The following DMXL2 variants were observed in gnomAD, a reference collection of about 807,000 sequenced individuals.
DMXL2 encodes Dmx like 2.
DMXL2 carries 103 observed loss-of-function variants against 331.1 expected under a neutral mutation model. That is an observed-to-expected ratio of 0.31 (90% CI 0.27 to 0.37). The LOEUF is 0.37. DMXL2 is among the 10% of genes least tolerant of loss of function. The probability of loss-of-function intolerance (pLI) is 1.00; values close to 1 mark genes in which losing one functional copy is unlikely to be tolerated. For missense variants in DMXL2, 3,171 were observed against 3,642.9 expected, an observed-to-expected ratio of 0.87 and a Z score of 3.33; for synonymous variants, 1,281 against 1,252.1, an observed-to-expected ratio of 1.02 and a Z score of -0.49.
chr15:51,502,519 C>T (rs188809513), intron 17 of DMXL2, among the ~76,000 whole-genome samples: 28 of 152,176 alleles, frequency 1.8e-4, no homozygotes, highest in African/African-American at 6.5e-4. Flanking sequence ...GACATGGTTT[C>T]GCCATGTTAG....
chr15:51,537,374 T>C, intron 11 of DMXL2, 114 bp downstream of exon 11: 2 of 973,448 alleles, frequency 2.1e-6, no homozygotes, highest in South Asian at 3.6e-5. Context: ...TTTACTCAGA[T>C]GCTTATCAAA....
chr15:51,455,125 C>T (rs1341008160), intron 40 of DMXL2, 26 bp downstream of exon 40: 1 of 1,575,490 alleles, frequency 6.3e-7, no homozygotes, highest in East Asian at 2.2e-5. Flanking sequence ...TGTATATGCG[C>T]CCTGGGAACA....
chr15:51,524,785 T>C (rs376991128), intron 13 of DMXL2, among the ~76,000 whole-genome samples: 1 of 152,246 alleles, frequency 6.6e-6, no homozygotes, highest in East Asian at 1.9e-4. Context: ...TCAGGTTCTC[T>C]GGGGCCTTAA....
intron 2 of DMXL2, among the ~76,000 whole-genome samples, chr15:51,573,099 C>T (rs796397645): frequency 1.6e-4 from 25 of 152,258 alleles, no homozygotes; most frequent in African/African-American, 5.3e-4. Flanking sequence ...AAAAAATGTT[C>T]GTCATCACTG....
At chr15:51,537,014 T>C in intron 11 of DMXL2, 152 bp from the exon 12 acceptor site, 2 of 680,440 alleles carry the variant, frequency 2.9e-6, no homozygotes, top group South Asian at 4.2e-5. Flanking sequence ...ATTTAGGTAA[T>C]ACCATATCTC....
chr15:51,598,051 T>C (rs1439284442), intron 1 of DMXL2, among the ~76,000 whole-genome samples: 5 of 152,236 alleles, frequency 3.3e-5, no homozygotes, highest in Non-Finnish European at 7.4e-5. Flanking sequence ...TGCAATTCTT[T>C]TCTCCAACTC....
rs768751729 is a variant in DMXL2 at position 51,499,554 on chromosome 15, G to C, written c.3670C>G (p.Gln1224Glu). The change falls in exon 18 of 44, where the codon CAA (glutamine) becomes GAA (glutamate). Residue 1224 changes from glutamine to glutamate, a missense_variant. This residue lies in a region of DMXL2 where 1,674 missense variants were observed against 1,780.2 expected (regional missense o/e 0.94). Transcript: ENST00000560891. ...ITLPLGGSIK[Q>E]GVKSRWVLLR... The stretch of plus-strand genomic sequence containing the variant: ...AGAACCCATCTTGACTTAACTCCTT[G>C]CTTGATACTACCACCTAGTGGTAAA... 1.9e-6 allele frequency: 3 copies of C among 1,614,052 alleles called. No homozygotes were observed. The Admixed American group carries it at 5.0e-5, about 27-fold the overall frequency.
chr15:51,459,034 T>C (rs1418475323), intron 34 of DMXL2: 3 of 471,936 alleles, frequency 6.4e-6, no homozygotes, highest in Admixed American at 7.0e-5. Flanking sequence ...AAGATACTGA[T>C]TAATTATAAA....
chr15:51,455,886 A>T (rs2039576949), intron 39 of DMXL2, among the ~76,000 whole-genome samples, 180 bp downstream of exon 39: 1 of 152,202 alleles, frequency 6.6e-6, no homozygotes, highest in East Asian at 1.9e-4. Flanking sequence ...TCCATACTAA[A>T]TTTTGTAGAT....
At chr15:51,550,633 C>T (rs1192853749) in intron 6 of DMXL2, among the ~76,000 whole-genome samples, 1 of 152,014 alleles carries the variant, frequency 6.6e-6, no homozygotes, top group Non-Finnish European at 1.5e-5. Context: ...AAACAGGATA[C>T]TTTAAATTAC....
At chr15:51,582,800 T>C (rs959769085) in intron 1 of DMXL2, among the ~76,000 whole-genome samples, 1 of 152,070 alleles carries the variant, frequency 6.6e-6, no homozygotes, top group African/African-American at 2.4e-5. Flanking sequence ...AGTAACAAGA[T>C]TTTCTTTTTC....
chr15:51,569,906 C>T (rs543696879), intron 2 of DMXL2, among the ~76,000 whole-genome samples: 1 of 152,208 alleles, frequency 6.6e-6, no homozygotes, highest in South Asian at 2.1e-4. Context: ...CACAACTCCT[C>T]GCCAGCAAGG....
intron 13 of DMXL2, among the ~76,000 whole-genome samples, chr15:51,520,765 G>A (rs1055909718): frequency 6.6e-5 from 10 of 152,148 alleles, no homozygotes; most frequent in African/African-American, 2.4e-4. Flanking sequence ...GCTGAAGCAG[G>A]AGTATCGTTT....
At chr15:51,550,378 T>G (rs1483253274) in intron 6 of DMXL2, among the ~76,000 whole-genome samples, 1 of 152,156 alleles carries the variant, frequency 6.6e-6, no homozygotes, top group African/African-American at 2.4e-5. Context: ...AATTATAAAT[T>G]GACAACTTAT....
chr15:51,473,119 TG>T (rs1463527146), intron 28 of DMXL2, among the ~76,000 whole-genome samples: 5 of 152,202 alleles, frequency 3.3e-5, no homozygotes, highest in African/African-American at 1.2e-4. Flanking sequence ...CCACATGGTG[TG>T]ATTCCCAACT....
intron 6 of DMXL2, among the ~76,000 whole-genome samples, chr15:51,550,547 T>C (rs2049151457): frequency 6.6e-6 from 1 of 152,130 alleles, no homozygotes; most frequent in Non-Finnish European, 1.5e-5. Flanking sequence ...AAATATACAC[T>C]ATTCTATCAC....
chr15:51,536,044 C>T lies in DMXL2; in HGVS notation c.2314+122G>A, dbSNP rs2048267972. The T allele has an allele frequency of 1.2e-5, 12 of 989,214 alleles. No homozygotes were observed. The South Asian group carries it at 2.7e-4, about 22-fold the overall frequency. 61.3% of individuals were successfully genotyped at this position (989,214 alleles called of 1,614,324 possible). On this transcript the variant is annotated intron_variant, in intron 12 of 43. Transcript: ENST00000560891. The stretch of plus-strand genomic sequence containing the variant: ...TGTATTCTGAATATTTATTAAAAAT[C>T]ACCTTAATGAAAACTGAATACTTAT...
rs3078066 is a variant in DMXL2, at chr15:51,576,183, T to TAAA, written c.88-5_88-3dup. On this transcript the variant is annotated splice_region_variant and splice_polypyrimidine_tract_variant and intron_variant, in intron 1 of 43. Transcript: ENST00000560891. ...AATATCACAGCCTGATCCATATGCC[T>TAAA]AAAAAAAAAAAAAAAAAAAAGTTTT... The TAAA allele has an allele frequency of 9.5e-3, 5,928 of 627,294 alleles. 373 individuals carry two copies. The African/African-American group carries it at 0.14, about 15-fold the overall frequency. The allele number at this position is 627,294 out of a possible 1,614,324, so 38.9% of individuals were successfully genotyped here.
At chr15:51,481,716 A>C in intron 23 of DMXL2, 93 bp from the exon 24 acceptor site, 1 of 1,219,480 alleles carries the variant, frequency 8.2e-7, no homozygotes, top group Non-Finnish European at 1.1e-6. Context: ...TCTTCAAAAA[A>C]ACAACATGTA....
Sources: allele counts gnomAD v4.1 joint callset (sites outside exome capture counted in the v4.1 genomes callset), GRCh38; gene constraint gnomAD v4.1.1; regional missense constraint gnomAD v4.1.1; transcripts MANE v1.5; gene names NCBI Gene and HGNC (gene_info 2026-07-23, HGNC 2026-07-21).